ABLIM1: variants seen among roughly 807,000 people sequenced by gnomAD.
The protein encoded by ABLIM1 is actin-binding LIM protein 1.
Under a neutral mutation model 107.0 loss-of-function variants are expected in ABLIM1, and 40 were observed. That is an observed-to-expected ratio of 0.37 (90% CI 0.29 to 0.49). The LOEUF (loss-of-function observed/expected upper bound fraction) is 0.49, where lower values mean the gene tolerates loss of function less well. ABLIM1 is among the 20% of genes least tolerant of loss of function. The pLI is 0.97. For synonymous variants in ABLIM1, 357 were observed against 357.3 expected, an observed-to-expected ratio of 1.00 and a Z score of 0.01; for missense variants, 857 against 1,008.5, an observed-to-expected ratio of 0.85 and a Z score of 2.04.
intron 5 of ABLIM1, among the ~76,000 whole-genome samples, chr10:114,545,950 A>T (rs1332216628): frequency 6.7e-6 from 1 of 150,152 alleles, no homozygotes; most frequent in Non-Finnish European, 1.5e-5. Context: ...AAACAAAAAA[A>T]AAAAACAAGA....
chr10:114,604,173 T>C (rs1038451722), intron 1 of ABLIM1, among the ~76,000 whole-genome samples: 2 of 152,066 alleles, frequency 1.3e-5, no homozygotes, highest in African/African-American at 2.4e-5. Flanking sequence ...CATTTGACAG[T>C]TGACAGATAA....
At chr10:114,452,636 T>C (rs1296270555) in intron 13 of ABLIM1, among the ~76,000 whole-genome samples, 1 of 152,196 alleles carries the variant, frequency 6.6e-6, no homozygotes, top group East Asian at 1.9e-4. Flanking sequence ...CAAAAAACAA[T>C]ATACTGCTGG....
chr10:114,737,452 T>G lies in ABLIM1; in HGVS notation c.-213+30609A>C, dbSNP rs1431121341. On this transcript the variant is annotated intron_variant, in intron 1 of 15. Transcript: ENST00000651092. Reference sequence around the variant, plus strand: ...CTCAGTGCTTCCTGACTCCTCGGTTTCAACACAATGGCAGCTCTAATTCCA... The same window carrying G: ...CTCAGTGCTTCCTGACTCCTCGGTTGCAACACAATGGCAGCTCTAATTCCA... 2.0e-5 allele frequency among the ~76,000 whole-genome samples: 3 copies of G among 152,208 alleles called. No homozygotes were observed. In the East Asian group the frequency reaches 5.8e-4, roughly 29 times the overall value.
intron 6 of ABLIM1, among the ~76,000 whole-genome samples, chr10:114,512,654 G>T (rs2062046361): frequency 6.6e-6 from 1 of 152,066 alleles, no homozygotes; most frequent in African/African-American, 2.4e-5. Flanking sequence ...ATGAAACCCT[G>T]TCTCTATTAC....
At chr10:114,641,708 A>G (rs987908709) in intron 1 of ABLIM1, among the ~76,000 whole-genome samples, 1 of 152,050 alleles carries the variant, frequency 6.6e-6, no homozygotes, top group Admixed American at 6.5e-5. Flanking sequence ...ACCACCCCAG[A>G]CAGAGTAAGC....
intron 6 of ABLIM1, among the ~76,000 whole-genome samples, chr10:114,543,064 C>G (rs1181045676): frequency 6.6e-6 from 1 of 152,162 alleles, no homozygotes; most frequent in Non-Finnish European, 1.5e-5. Flanking sequence ...CTCCAGCTAG[C>G]ACCACCATCA....
intron 1 of ABLIM1, among the ~76,000 whole-genome samples, chr10:114,757,067 TA>T (rs2082646113): frequency 6.6e-6 from 1 of 152,264 alleles, no homozygotes; most frequent in African/African-American, 2.4e-5. Flanking sequence ...ATAATGTTGA[TA>T]AATGGCATAA....
upstream of ABLIM1, among the ~76,000 whole-genome samples, chr10:114,770,741 G>C (rs1225401852): frequency 6.6e-6 from 1 of 152,150 alleles, no homozygotes; most frequent in East Asian, 1.9e-4. Context: ...TTGTCGAATT[G>C]AATTTGTTCT....
At chr10:114,718,037 GAGAAA>G (rs2081728211) in intron 1 of ABLIM1, among the ~76,000 whole-genome samples, 2 of 101,348 alleles carry the variant, frequency 2.0e-5, no homozygotes, top group Admixed American at 1.1e-4. Flanking sequence ...GAAGGAGAAA[GAGAAA>G]GAGAAAGAAA....
rs762532569 is a variant in ABLIM1, at chr10:114,680,387, G to T, written c.64+3903C>A. Among the ~76,000 whole-genome samples, 67 of 152,180 alleles carry T rather than the reference G, an allele frequency of 4.4e-4. 1 individual carries two copies. Among genetic ancestry groups the T allele is most frequent in the Non-Finnish European group, 1.6e-4 (11 of 68,032 alleles). On this transcript the variant is annotated intron_variant, in intron 1 of 23. Coordinates refer to the ABLIM1 transcript ENST00000369256. ...AAATCTCTCTGCTTCTAGAGCTCAA[G>T]CACTTCACCAGTGCATCATGCTCAA...
intron 1 of ABLIM1, among the ~76,000 whole-genome samples, chr10:114,641,247 T>TAAAAAAAAAAAA (rs35168530): frequency 2.7e-5 from 1 of 37,056 alleles, no homozygotes; most frequent in African/African-American, 8.5e-5. Context: ...AAGCCAATCA[T>TAAAAAAAAAAAA]AAAAAAAAAA....
chr10:114,769,419 G>GA (rs1591972858), upstream of ABLIM1, among the ~76,000 whole-genome samples: 326 of 7,838 alleles, frequency 0.042, 6 homozygotes, highest in East Asian at 0.098. Flanking sequence ...AGAAAGAAAA[G>GA]AAGGAAAGAA....
intron 6 of ABLIM1, among the ~76,000 whole-genome samples, chr10:114,524,696 A>G (rs970527632): frequency 6.6e-6 from 1 of 152,242 alleles, no homozygotes; most frequent in Non-Finnish European, 1.5e-5. Flanking sequence ...ACAAAATAGT[A>G]TATCCCCAGA....
intron 1 of ABLIM1, chr10:114,767,974 C>A: frequency 2.5e-6 from 1 of 402,844 alleles, no homozygotes; most frequent in Non-Finnish European, 4.9e-6. Flanking sequence ...GGGCTGGGGC[C>A]GGCGCGGCTG....
intron 1 of ABLIM1, among the ~76,000 whole-genome samples, chr10:114,704,508 A>G (rs991022169): frequency 7.9e-5 from 12 of 151,640 alleles, no homozygotes; most frequent in African/African-American, 2.7e-4. Context: ...AGAGTATTAC[A>G]TATTGGCAGA....
At position 114,681,628 on chromosome 10, in the gene ABLIM1, A is replaced by T. The variant is rs181313027; in HGVS notation, c.64+2662T>A. ...AACTCTCTACGCCACTTCAATTCAC[A>T]TGACAGCAGGACATATGTTTCCCAG... On this transcript the variant is annotated intron_variant, in intron 1 of 23. Transcript: ENST00000369256. Among the ~76,000 whole-genome samples the T allele has an allele frequency of 1.4e-4, 21 of 152,318 alleles. 1 individual carries two copies. The East Asian group carries it at 3.5e-3, about 25-fold the overall frequency.
chr10:114,697,936 A>G (rs567330575), intron 1 of ABLIM1, among the ~76,000 whole-genome samples: 3 of 152,328 alleles, frequency 2.0e-5, no homozygotes, highest in Non-Finnish European at 4.4e-5. Context: ...TACATTTTAG[A>G]GATCTCTTGT....
At chr10:114,496,152 GTGT>G (rs2059635965) in intron 6 of ABLIM1, among the ~76,000 whole-genome samples, 1 of 152,188 alleles carries the variant, frequency 6.6e-6, no homozygotes, top group South Asian at 2.1e-4. Flanking sequence ...GAGAGTCACT[GTGT>G]TCTATTAACT....
At chr10:114,526,123 T>C (rs2064694834) in intron 6 of ABLIM1, among the ~76,000 whole-genome samples, 1 of 152,172 alleles carries the variant, frequency 6.6e-6, no homozygotes, top group African/African-American at 2.4e-5. Context: ...TCTAAACATT[T>C]TGTTTCCTTA....
Sources: gnomAD v4.1 joint callset for allele counts (sites outside exome capture counted in the v4.1 genomes callset) on GRCh38, gnomAD v4.1.1 for gene constraint, MANE v1.5 for transcripts, NCBI Gene and HGNC (gene_info 2026-07-23, HGNC 2026-07-21) for gene names.